The following FAM151A variants were observed in gnomAD, a reference collection of about 807,000 sequenced individuals.
FAM151A encodes the protein protein FAM151A.
A neutral mutation model predicts 40.4 loss-of-function variants in FAM151A; 41 were observed. The observed-to-expected ratio is 1.01, with a 90% CI of 0.79 to 1.32. The LOEUF (loss-of-function observed/expected upper bound fraction) is 1.32, where lower values mean the gene tolerates loss of function less well. Among genes scored for constraint, FAM151A ranks in the 40% most tolerant of loss-of-function variants. The pLI is 0.00. For missense variants in FAM151A, 740 were observed against 740.4 expected, an observed-to-expected ratio of 1.00 and a Z score of 0.01; for synonymous variants, 337 against 312.5, an observed-to-expected ratio of 1.08 and a Z score of -0.83.
rs756654246 is a variant in FAM151A, at chr1:54,611,734, G to A, written c.812C>T (p.Thr271Met). 1.5e-5 allele frequency: 24 copies of A among 1,613,986 alleles called. No individual in the cohort carries two copies. The highest frequency in any genetic ancestry group is 2.2e-5 in the East Asian group (1 of 44,862). Residue 271 changes from threonine to methionine, a missense_variant, in exon 6 of 8, where the codon ACG becomes ATG. By Grantham distance (81) the Thr-to-Met change is moderately conservative. Transcript: ENST00000302250. ...GGGGTCCGAGGCAGCCTGCCACAGC[G>A]TCAGGCTGTACCTGGGGACACGAGA... ...LLSQSERYSLTLWQAASDPMS... is the reference protein window; with the variant it reads ...LLSQSERYSLMLWQAASDPMS...
intron 2 of FAM151A, 38 bp from the exon 3 acceptor site, chr1:54,616,210 T>TA (rs754835314): frequency 9.0e-6 from 14 of 1,555,306 alleles, no homozygotes; most frequent in Middle Eastern, 1.7e-4. Flanking sequence ...TTCCTTTTTT[T>TA]AAAAAAAGAA....
At chr1:54,623,234 C>A (rs373739721) in intron 1 of FAM151A, 44 bp downstream of exon 1, 1 of 1,325,962 alleles carries the variant, frequency 7.5e-7, no homozygotes, top group Non-Finnish European at 1.1e-6. Flanking sequence ...AAGGAGCGAG[C>A]GATGAGGGAA....
At position 54,610,534 on chromosome 1, in the gene FAM151A, A is replaced by G. The variant is rs376242637; in HGVS notation, c.962T>C (p.Met321Thr). 1 of 1,612,734 alleles carries G rather than the reference A, an allele frequency of 6.2e-7. No homozygotes were observed. The highest frequency in any genetic ancestry group is 8.5e-7 in the Non-Finnish European group (1 of 1,179,290). ...GATCAGGCTGCCTCCCGTGTAGTAC[A>G]TTGGTTTCCGTGTGGCATTCACTGT... ...QLALNATRKP[M>T]YYTGGSLIPL... Residue 321 changes from methionine (M) to threonine (T), a missense_variant, in exon 7 of 8, where the codon ATG (methionine) becomes ACG (threonine). Transcript: ENST00000302250.
At position 54,609,932 on chromosome 1, in the gene FAM151A, C is replaced by G. The variant is rs776323262; in HGVS notation, c.1094G>C (p.Gly365Ala). ...TATMTLPDTE[G>A]MILLNTGLEG... is the part of the protein sequence containing the mutation. ...GAGGCCAGTGTTCAGCAGGATCATG[C>G]CTTCTGTGTCTGGAAGAGGCGGCAG... Residue 365 changes from glycine (G) to alanine (A), a missense_variant, in exon 8 of 8, where the codon GGC becomes GCC. Physicochemically the swap from Gly to Ala is moderately conservative, Grantham distance 60. Transcript: ENST00000302250. 11 of 1,603,968 alleles carry G rather than the reference C, an allele frequency of 6.9e-6. No homozygotes were observed. In the Admixed American group the frequency reaches 8.3e-5, roughly 12 times the overall value.
At chr1:54,616,221 A>T in intron 2 of FAM151A, 49 bp from the exon 3 acceptor site, 1 of 1,516,074 alleles carries the variant, frequency 6.6e-7, no homozygotes, top group Non-Finnish European at 9.0e-7. Flanking sequence ...AAAAAAAGAA[A>T]ACTTCTTTCT....
At chr1:54,616,839 T>C (rs1644178378) in intron 2 of FAM151A, among the ~76,000 whole-genome samples, 1 of 152,180 alleles carries the variant, frequency 6.6e-6, no homozygotes, top group South Asian at 2.1e-4. Flanking sequence ...TTCACTACTA[T>C]GTAGTTGATC....
rs750284376 is a variant in FAM151A, at chr1:54,614,830, C to T, written c.445G>A (p.Ala149Thr). The stretch of plus-strand genomic sequence containing the variant: ...AGGAGGTCCAGGGAGGGGCCCACTG[C>T]CTTGATGTTCTTGAAGTCCAGTTTG... ...GIKLDFKNIK[A>T]VGPSLDLLRQ... is the part of the protein sequence containing the mutation. Residue 149 changes from alanine (A) to threonine (T), a missense_variant, in exon 4 of 8, where the codon GCA (alanine) becomes ACA (threonine). Ala to Thr is a moderately conservative substitution (Grantham distance 58, BLOSUM62 0). Coordinates refer to ENST00000302250, the MANE Select transcript of FAM151A (RefSeq NM_176782.3). 2 of 1,613,864 alleles carry T rather than the reference C, an allele frequency of 1.2e-6. No homozygotes were observed. The highest frequency in any genetic ancestry group is 1.7e-5 in the Admixed American group (1 of 59,956).
In FAM151A at chr1:54,611,180, T is replaced by A. The variant is rs544905617; in HGVS notation, c.940+426A>T. Among the ~76,000 whole-genome samples, 8 of 152,286 alleles carry A rather than the reference T, an allele frequency of 5.3e-5. No individual in the cohort carries two copies. The East Asian group carries it at 1.5e-3, about 29-fold the overall frequency. ...TCAGGCAGGTGGCTCATGCCTGTAA[T>A]CCCAGTACTTTGGGAGGCCAAGGCG... On this transcript the variant is annotated intron_variant, in intron 6 of 7. Transcript: ENST00000302250.
At chr1:54,620,163 G>T (rs1480298873) in intron 1 of FAM151A, among the ~76,000 whole-genome samples, 156 bp from the exon 2 acceptor site, 1 of 152,232 alleles carries the variant, frequency 6.6e-6, no homozygotes, top group Non-Finnish European at 1.5e-5. Flanking sequence ...CTACAATAGA[G>T]GGAAATGAAT....
chr1:54,613,867 C>A (rs1277563817), intron 4 of FAM151A, among the ~76,000 whole-genome samples: 1 of 152,070 alleles, frequency 6.6e-6, no homozygotes, highest in Non-Finnish European at 1.5e-5. Flanking sequence ...TGGGAAAGAG[C>A]CTGGAGCTTA....
At chr1:54,621,912 G>A (rs1041856904) in intron 1 of FAM151A, 2 of 152,350 alleles carry the variant, frequency 1.3e-5, no homozygotes, top group East Asian at 1.9e-4. Flanking sequence ...CTCCCAAGAA[G>A]GGCACAGGAG....
chr1:54,619,743 C>G (rs1044104353), intron 2 of FAM151A, 121 bp downstream of exon 2: 1 of 1,038,702 alleles, frequency 9.6e-7, no homozygotes, highest in African/African-American at 1.6e-5. Context: ...TTTCCTCATG[C>G]TGAAAGACAT....
chr1:54,622,890 G>A (rs1170291534), intron 1 of FAM151A, among the ~76,000 whole-genome samples: 1 of 151,944 alleles, frequency 6.6e-6, no homozygotes, highest in African/African-American at 2.4e-5. Flanking sequence ...AGAAGAGCTG[G>A]TTGGCCAGGC....
At chr1:54,616,518 C>T (rs1238268628) in intron 2 of FAM151A, among the ~76,000 whole-genome samples, 3 of 151,992 alleles carry the variant, frequency 2.0e-5, no homozygotes, top group Non-Finnish European at 4.4e-5. Flanking sequence ...AATTTACAGG[C>T]GTGTGCCACC....
At chr1:54,612,301 G>A (rs967614325) in intron 5 of FAM151A, among the ~76,000 whole-genome samples, 185 bp downstream of exon 5, 4 of 151,682 alleles carry the variant, frequency 2.6e-5, no homozygotes, top group African/African-American at 9.7e-5. Context: ...GGGCTCTCTT[G>A]GGAGGTAGTG....
intron 1 of FAM151A, among the ~76,000 whole-genome samples, chr1:54,622,861 T>C (rs1569806821): frequency 1.3e-5 from 2 of 151,666 alleles, no homozygotes; most frequent in Admixed American, 1.3e-4. Flanking sequence ...GAATGAGGCT[T>C]GGTGGGGACG....
rs573016910 is a variant in FAM151A, at chr1:54,611,084, T to G, written c.940+522A>C. The G allele has an allele frequency of 1.8e-5, 16 of 906,476 alleles. No individual in the cohort carries two copies. The East Asian group carries it at 1.7e-3, about 94-fold the overall frequency. The allele number at this position is 906,476 out of a possible 1,614,324, so 56.2% of individuals were successfully genotyped here. A position where few individuals can be genotyped will look rare whatever the true frequency, so the allele number is the denominator to read the frequency against. ...AAAGCTGAGTGACTGTATAAATTCC[T>G]GAACTGTTTTGAGCCGCTGTTTCTC... On this transcript the variant is annotated intron_variant, in intron 6 of 7. Coordinates refer to ENST00000302250, the MANE Select transcript of FAM151A (RefSeq NM_176782.3).
intron 7 of FAM151A, chr1:54,610,183 C>A (rs1644100891): frequency 7.0e-7 from 1 of 1,433,008 alleles, no homozygotes; most frequent in Admixed American, 2.9e-5. Flanking sequence ...CTGGTGCCGG[C>A]CTTGCCTGCA....
At chr1:54,613,654 C>A (rs747945549) in intron 4 of FAM151A, among the ~76,000 whole-genome samples, 3 of 152,126 alleles carry the variant, frequency 2.0e-5, no homozygotes, top group Non-Finnish European at 4.4e-5. Flanking sequence ...TTTTCTTCTT[C>A]AAAAGATGCA....
Sources: allele counts gnomAD v4.1 joint callset (sites outside exome capture counted in the v4.1 genomes callset), GRCh38; gene constraint gnomAD v4.1.1; transcripts MANE v1.5; gene names NCBI Gene and HGNC (gene_info 2026-07-23, HGNC 2026-07-21).